PLCB1: variants seen among roughly 807,000 people sequenced by gnomAD.
PLCB1 encodes phospholipase C beta 1, also known as 1-phosphatidylinositol 4,5-bisphosphate phosphodiesterase beta-1.
In PLCB1, 46 loss-of-function variants were observed where a neutral mutation model predicts 161.8. The observed-to-expected ratio is 0.28, with a 90% confidence interval of 0.22 to 0.36. PLCB1 has a LOEUF of 0.36. PLCB1 is among the 10% of genes least tolerant of loss of function. The pLI, the probability that PLCB1 is intolerant of heterozygous loss-of-function variation, is 1.00. For missense variants in PLCB1, 1,016 were observed against 1,472.5 expected, an observed-to-expected ratio of 0.69 and a Z score of 5.07; for synonymous variants, 517 against 503.7, an observed-to-expected ratio of 1.03 and a Z score of -0.35.
At chr20:8,407,372 G>A (rs1304871685) in intron 3 of PLCB1, among the ~76,000 whole-genome samples, 2 of 152,090 alleles carry the variant, frequency 1.3e-5, no homozygotes, top group Non-Finnish European at 2.9e-5. Context: ...CTCTGTATTA[G>A]TCCATTTTCA....
chr20:8,565,451 C>T (rs1261299933), intron 3 of PLCB1, among the ~76,000 whole-genome samples: 1 of 151,862 alleles, frequency 6.6e-6, no homozygotes, highest in Non-Finnish European at 1.5e-5. Flanking sequence ...CAAACCTGCA[C>T]ATTCTGCGCA....
chr20:8,684,094 C>G (rs924160559), intron 9 of PLCB1, among the ~76,000 whole-genome samples: 2 of 151,896 alleles, frequency 1.3e-5, no homozygotes, highest in Admixed American at 6.6e-5. Context: ...CCGTGTTAGC[C>G]AGGATGGTCT....
At chr20:8,229,874 A>AAATAAAATAAAATG (rs1979913744) in intron 2 of PLCB1, among the ~76,000 whole-genome samples, 2 of 25,732 alleles carry the variant, frequency 7.8e-5, no homozygotes, top group African/African-American at 3.2e-4. Flanking sequence ...AAAATAAAAT[A>AAATAAAATAAAATG]AAATAAAATA....
At chr20:8,592,357 T>C (rs1987174622) in intron 3 of PLCB1, among the ~76,000 whole-genome samples, 1 of 152,246 alleles carries the variant, frequency 6.6e-6, no homozygotes, top group Admixed American at 6.5e-5. Context: ...CTATTACCCA[T>C]AGAGGTATCT....
At chr20:8,692,849 A>G (rs1329091908) in intron 10 of PLCB1, among the ~76,000 whole-genome samples, 4 of 152,212 alleles carry the variant, frequency 2.6e-5, no homozygotes, top group Admixed American at 1.3e-4. Context: ...CCCCACCTCC[A>G]TCCCCTCAAT....
chr20:8,656,054 C>T (rs1600229582), intron 7 of PLCB1, among the ~76,000 whole-genome samples: 1 of 152,186 alleles, frequency 6.6e-6, no homozygotes, highest in Admixed American at 6.6e-5. Context: ...GTCCCCACTG[C>T]TCTTGGATTT....
At chr20:8,154,380 T>C (rs1264216053) in intron 2 of PLCB1, among the ~76,000 whole-genome samples, 1 of 152,188 alleles carries the variant, frequency 6.6e-6, no homozygotes, top group Non-Finnish European at 1.5e-5. Flanking sequence ...TCTTGGTGTT[T>C]GTCTCTAATT....
At chr20:8,552,451 G>C (rs979060624) in intron 3 of PLCB1, among the ~76,000 whole-genome samples, 5 of 152,138 alleles carry the variant, frequency 3.3e-5, no homozygotes, top group Non-Finnish European at 7.3e-5. Context: ...AAGGAAGAGA[G>C]GACAGAACAA....
At chr20:8,675,730 A>G (rs1285729239) in intron 9 of PLCB1, among the ~76,000 whole-genome samples, 1 of 152,208 alleles carries the variant, frequency 6.6e-6, no homozygotes, top group Non-Finnish European at 1.5e-5. Flanking sequence ...TTAAGGGCAT[A>G]ATCTGGCAAG....
At chr20:8,723,929 TTTA>T (rs561655318) in intron 15 of PLCB1, among the ~76,000 whole-genome samples, 1 of 151,820 alleles carries the variant, frequency 6.6e-6, no homozygotes, top group Admixed American at 6.6e-5. Context: ...AAGCAATCTT[TTTA>T]TTATTATTAT....
chr20:8,542,728 A>G (rs1239747029), intron 3 of PLCB1, among the ~76,000 whole-genome samples: 2 of 152,194 alleles, frequency 1.3e-5, no homozygotes, highest in Non-Finnish European at 2.9e-5. Flanking sequence ...ATATAAGAAT[A>G]TATTTCAAGC....
intron 9 of PLCB1, among the ~76,000 whole-genome samples, chr20:8,676,425 A>T (rs1990077831): frequency 6.6e-6 from 1 of 151,870 alleles, no homozygotes; most frequent in Non-Finnish European, 1.5e-5. Context: ...GAAGAAAGAA[A>T]GAAAGAAAGA....
intron 2 of PLCB1, among the ~76,000 whole-genome samples, chr20:8,286,705 T>C (rs1983138337): frequency 6.6e-6 from 1 of 152,238 alleles, no homozygotes; most frequent in Non-Finnish European, 1.5e-5. Context: ...GTTAGAGCTC[T>C]TGAATCTTTC....
intron 2 of PLCB1, among the ~76,000 whole-genome samples, chr20:8,231,520 G>A (rs1292621158): frequency 6.6e-6 from 1 of 152,164 alleles, no homozygotes; most frequent in Non-Finnish European, 1.5e-5. Context: ...TGGTACATAG[G>A]TCCTGCACAC....
chr20:8,780,557 C>T (rs74392349), intron 27 of PLCB1, among the ~76,000 whole-genome samples: 1,840 of 152,238 alleles, frequency 0.012, 43 homozygotes, highest in African/African-American at 0.041. Flanking sequence ...GAATGGCTCG[C>T]GTTCTTCTTA....
intron 3 of PLCB1, among the ~76,000 whole-genome samples, chr20:8,600,261 T>G (rs1408355127): frequency 1.1e-4 from 13 of 121,614 alleles, no homozygotes; most frequent in Admixed American, 3.2e-4. Flanking sequence ...ATGATGGTGA[T>G]GTACAGATGG....
intron 3 of PLCB1, among the ~76,000 whole-genome samples, chr20:8,542,593 A>G (rs1985378130): frequency 1.3e-5 from 2 of 152,228 alleles, no homozygotes; most frequent in Admixed American, 1.3e-4. Flanking sequence ...CGGGGGAGAA[A>G]AAGAACAGCA....
At chr20:8,567,097 C>T (rs1277792230) in intron 3 of PLCB1, among the ~76,000 whole-genome samples, 1 of 152,100 alleles carries the variant, frequency 6.6e-6, no homozygotes, top group African/African-American at 2.4e-5. Flanking sequence ...CATCTCAGGC[C>T]ATTGTGTGAT....
At chr20:8,844,578 T>G (rs948984603) in intron 31 of PLCB1, among the ~76,000 whole-genome samples, 2 of 151,804 alleles carry the variant, frequency 1.3e-5, no homozygotes, top group South Asian at 4.2e-4. Flanking sequence ...AGACCTGGTA[T>G]CAAAAAAAAG....
Sources: allele counts gnomAD v4.1 joint callset (sites outside exome capture counted in the v4.1 genomes callset), GRCh38; gene constraint gnomAD v4.1.1; transcripts MANE v1.5; gene names NCBI Gene and HGNC (gene_info 2026-07-23, HGNC 2026-07-21).